GREM2: variants seen among roughly 807,000 people sequenced by gnomAD.
The protein encoded by GREM2 is gremlin 2, DAN family BMP antagonist.
Under a neutral mutation model 14.2 loss-of-function variants are expected in GREM2, and 11 were observed. The observed-to-expected ratio is 0.78, with a 90% confidence interval of 0.49 to 1.28. GREM2 has a LOEUF of 1.28. GREM2 is among the 50% of genes most tolerant of loss of function. The probability of loss-of-function intolerance (pLI) is 0.00; values close to 1 mark genes in which losing one functional copy is unlikely to be tolerated. For missense variants in GREM2, 210 were observed against 218.5 expected (o/e 0.96, Z 0.24); for synonymous variants, 98 against 97.6 (o/e 1.00, Z -0.02).
chr1:240,562,186 A>C (rs1022733937), intron 1 of GREM2, among the ~76,000 whole-genome samples: 1 of 152,176 alleles, frequency 6.6e-6, no homozygotes, highest in Admixed American at 6.6e-5. Flanking sequence ...GGTTATTTGG[A>C]GGGCAGATGA....
intron 1 of GREM2, among the ~76,000 whole-genome samples, chr1:240,494,701 A>T (rs546102994): frequency 6.6e-6 from 1 of 152,176 alleles, no homozygotes; most frequent in Non-Finnish European, 1.5e-5. Flanking sequence ...GGAGATCGAG[A>T]CCATCCTGGC....
intron 1 of GREM2, among the ~76,000 whole-genome samples, chr1:240,559,220 A>G (rs1300930066): frequency 6.6e-6 from 1 of 152,166 alleles, no homozygotes; most frequent in Admixed American, 6.5e-5. Flanking sequence ...GCATGATTTT[A>G]TAACCTCATA....
At chr1:240,505,716 A>G (rs1677661920) in intron 1 of GREM2, among the ~76,000 whole-genome samples, 1 of 151,086 alleles carries the variant, frequency 6.6e-6, no homozygotes, top group Non-Finnish European at 1.5e-5. Context: ...CAAAATCTAC[A>G]TGCATTCTTT....
chr1:240,605,470 A>G (rs1231754366), intron 1 of GREM2, among the ~76,000 whole-genome samples: 2 of 152,060 alleles, frequency 1.3e-5, no homozygotes, highest in African/African-American at 2.4e-5. Flanking sequence ...GGGCAGCAGA[A>G]TGAGACCTTG....
intron 1 of GREM2, among the ~76,000 whole-genome samples, chr1:240,546,971 G>A (rs1381608632): frequency 6.6e-6 from 1 of 152,190 alleles, no homozygotes; most frequent in African/African-American, 2.4e-5. Context: ...GATTAGTGCT[G>A]CAGGAATTCA....
chr1:240,492,877 T>C lies in GREM2; in HGVS notation c.*92A>G. On this transcript the variant is annotated 3_prime_UTR_variant, in exon 2 of 2. Coordinates refer to ENST00000318160, the MANE Select transcript of GREM2 (RefSeq NM_022469.4). The stretch of plus-strand genomic sequence containing the variant: ...TGCTGAGGGGGAACACCAGGCAGCG[T>C]GACAGTGGGCTCGGAGGGCAGGGAC... 8.1e-7 allele frequency: 1 copy of C among 1,228,514 alleles called. No homozygotes were observed. The highest frequency in any genetic ancestry group is 1.6e-5 in the African/African-American group (1 of 62,998). The allele number at this position is 1,228,514 out of a possible 1,614,324, so 76.1% of individuals were successfully genotyped here. A position where few individuals can be genotyped will look rare whatever the true frequency, so the allele number is the denominator to read the frequency against.
chr1:240,530,327 A>C (rs1678322923), intron 1 of GREM2: 1 of 152,190 alleles, frequency 6.6e-6, no homozygotes, highest in African/African-American at 2.4e-5. Context: ...CTGGACTAGC[A>C]TTACAAGCAA....
In GREM2 at chr1:240,515,023, G is replaced by A. The variant is rs147310715; in HGVS notation, c.-1-21547C>T. On this transcript the variant is annotated intron_variant, in intron 1 of 1. Transcript: ENST00000318160. ...TAACGGGAACACTTTCAGTGGAAAT[G>A]TTTTGAAAATGAAGCCACATTAGAT... Among the ~76,000 whole-genome samples the A allele has an allele frequency of 5.3e-4, 80 of 152,286 alleles. No individual in the cohort carries two copies. In the East Asian group the frequency reaches 0.015, roughly 28 times the overall value.
chr1:240,496,094 G>C (rs1052120154), intron 1 of GREM2, among the ~76,000 whole-genome samples: 2 of 151,920 alleles, frequency 1.3e-5, no homozygotes, highest in African/African-American at 4.8e-5. Flanking sequence ...GCGCCACCAG[G>C]CCCAGCTAAT....
intron 1 of GREM2, among the ~76,000 whole-genome samples, chr1:240,611,379 T>A (rs550578481): frequency 5.9e-5 from 9 of 152,292 alleles, no homozygotes; most frequent in African/African-American, 2.2e-4. Flanking sequence ...AATAGTGATA[T>A]TTCCCTCATG....
intron 1 of GREM2, among the ~76,000 whole-genome samples, chr1:240,569,490 A>G (rs1679221487): frequency 6.6e-6 from 1 of 152,212 alleles, no homozygotes; most frequent in South Asian, 2.1e-4. Context: ...AATTAGTGTC[A>G]AGATATATAA....
At chr1:240,560,790 T>A (rs1038199255) in intron 1 of GREM2, among the ~76,000 whole-genome samples, 4 of 152,220 alleles carry the variant, frequency 2.6e-5, no homozygotes, top group Admixed American at 1.3e-4. Context: ...CTAAAGGCAG[T>A]GTCTCTAGCC....
At chr1:240,522,803 A>G (rs147087367) in intron 1 of GREM2, among the ~76,000 whole-genome samples, 1 of 152,302 alleles carries the variant, frequency 6.6e-6, no homozygotes, top group African/African-American at 2.4e-5. Context: ...GAAACAACCA[A>G]TGTAGATGTC....
intron 1 of GREM2, among the ~76,000 whole-genome samples, chr1:240,518,656 T>C (rs1324617402): frequency 1.3e-5 from 2 of 152,232 alleles, no homozygotes; most frequent in African/African-American, 4.8e-5. Flanking sequence ...AATCATGTTC[T>C]CATCAAAGAA....
chr1:240,492,998 C>T lies in GREM2; in HGVS notation c.478G>A (p.Val160Met), dbSNP rs922021547. 1.3e-6 allele frequency: 2 copies of T among 1,561,566 alleles called. No individual in the cohort carries two copies. Among genetic ancestry groups the T allele is most frequent in the Non-Finnish European group, 1.7e-6 (2 of 1,148,160 alleles). ...TGCTTGTCCGAGTCGCTCAGGTTCA[C>T]GGACATGCACCGGCACTGCTTCACC... ...QKVKQCRCMS[V>M]NLSDSDKQ Residue 160 changes from valine (V) to methionine (M), a missense_variant, in exon 2 of 2, where the codon GTG becomes ATG. Transcript: ENST00000318160.
chr1:240,592,676 G>A (rs960409430), intron 1 of GREM2, among the ~76,000 whole-genome samples: 3 of 152,172 alleles, frequency 2.0e-5, no homozygotes, highest in Admixed American at 6.5e-5. Context: ...TTTCCTGCTC[G>A]CCATCGCAGA....
chr1:240,598,618 G>T (rs1268145000), intron 1 of GREM2, among the ~76,000 whole-genome samples: 2 of 152,150 alleles, frequency 1.3e-5, no homozygotes, highest in African/African-American at 4.8e-5. Flanking sequence ...TGGATAAAAA[G>T]AACTTGGTAT....
intron 1 of GREM2, among the ~76,000 whole-genome samples, chr1:240,494,345 G>A (rs973119401): frequency 1.3e-5 from 2 of 152,196 alleles, no homozygotes; most frequent in Non-Finnish European, 2.9e-5. Context: ...AGGATTTGAA[G>A]CCAGCCAGAC....
At position 240,542,424 on chromosome 1, in the gene GREM2, G is replaced by A. The variant is rs558167277; in HGVS notation, c.-1-48948C>T. Among the ~76,000 whole-genome samples, 26 of 148,290 alleles carry A rather than the reference G, an allele frequency of 1.8e-4. No individual in the cohort carries two copies. The highest frequency in any genetic ancestry group is 3.3e-4 in the Non-Finnish European group (22 of 67,494). On this transcript the variant is annotated intron_variant, in intron 1 of 1. Coordinates refer to ENST00000318160, the MANE Select transcript of GREM2 (RefSeq NM_022469.4). This position sits in a 1 kb window ranked among gnomAD's most constrained non-coding sequence, Gnocchi z 4.1. ...GTTCGAGACCAGCCTGGCCAACATG[G>A]CGAAACCCCCATCTCTACTAAAAAA...
Sources: gnomAD v4.1 joint callset for allele counts (sites outside exome capture counted in the v4.1 genomes callset) on GRCh38, gnomAD v4.1.1 for gene constraint, Gnocchi (gnomAD v3.1) non-coding constraint, MANE v1.5 for transcripts, NCBI Gene and HGNC (gene_info 2026-07-23, HGNC 2026-07-21) for gene names.